Variants in NEGR1 observed in about 807,000 individuals in gnomAD.
NEGR1 encodes the protein neuronal growth regulator 1, also known as IgLON family member 4.
NEGR1 carries 10 observed loss-of-function variants against 40.9 expected under a neutral mutation model. That is an observed-to-expected ratio of 0.24 (90% CI 0.15 to 0.42). The LOEUF is 0.42. NEGR1 is among the 10% of genes least tolerant of loss of function. The pLI, the probability that NEGR1 is intolerant of heterozygous loss-of-function variation, is 1.00. For synonymous variants in NEGR1, 185 were observed against 166.8 expected (o/e 1.11, Z -0.84); for missense variants, 352 against 438.9 (o/e 0.80, Z 1.77).
intron 6 of NEGR1, among the ~76,000 whole-genome samples, chr1:71,445,489 A>G (rs913844708): frequency 2.0e-5 from 3 of 152,218 alleles, no homozygotes; most frequent in African/African-American, 7.2e-5. Context: ...AAATAGGCTG[A>G]GGAACTATAA....
At chr1:71,955,740 A>G (rs1646114085) in intron 1 of NEGR1, among the ~76,000 whole-genome samples, 1 of 152,158 alleles carries the variant, frequency 6.6e-6, no homozygotes, top group Admixed American at 6.6e-5. Flanking sequence ...TCCAAACCTC[A>G]GTTATAATTC....
chr1:71,628,370 C>T (rs940155975), intron 4 of NEGR1, among the ~76,000 whole-genome samples: 1 of 151,912 alleles, frequency 6.6e-6, no homozygotes, highest in Non-Finnish European at 1.5e-5. Context: ...TGCATTATGT[C>T]CATAAAATAT....
chr1:72,199,150 CAGAGAGAGAG>C (rs34602311), intron 1 of NEGR1, among the ~76,000 whole-genome samples: 7 of 115,164 alleles, frequency 6.1e-5, no homozygotes, highest in African/African-American at 1.3e-4. Flanking sequence ...GATAGACAGA[CAGAGAGAGAG>C]AGAGAGAGAG....
intron 4 of NEGR1, 42 bp downstream of exon 4, chr1:71,697,966 C>A: frequency 6.4e-7 from 1 of 1,571,484 alleles, no homozygotes; most frequent in Non-Finnish European, 8.6e-7. Flanking sequence ...GGTGTTTTAT[C>A]TTTTCTCAGA....
chr1:71,999,670 TATATATATACATAC>T, intron 1 of NEGR1, among the ~76,000 whole-genome samples: 6 of 51,120 alleles, frequency 1.2e-4, no homozygotes, highest in African/African-American at 3.5e-4. Flanking sequence ...TATATATATA[TATATATATACATAC>T]ATATTTTTGT....
At chr1:71,787,338 G>T (rs1239476352) in intron 2 of NEGR1, among the ~76,000 whole-genome samples, 1 of 152,146 alleles carries the variant, frequency 6.6e-6, no homozygotes, top group Admixed American at 6.5e-5. Context: ...AACTTCCCAT[G>T]ATGGCCAAGG....
At chr1:72,090,847 G>A (rs911564213) in intron 1 of NEGR1, among the ~76,000 whole-genome samples, 2 of 152,012 alleles carry the variant, frequency 1.3e-5, no homozygotes, top group Non-Finnish European at 2.9e-5. Context: ...TTTCACATCT[G>A]GAAAAACAAG....
At chr1:71,876,122 T>A (rs897665055) in intron 2 of NEGR1, among the ~76,000 whole-genome samples, 2 of 152,160 alleles carry the variant, frequency 1.3e-5, no homozygotes, top group Non-Finnish European at 2.9e-5. Flanking sequence ...GGGAGGGCAG[T>A]CTTAAATTTT....
chr1:72,138,691 T>G (rs1650560476), intron 1 of NEGR1, among the ~76,000 whole-genome samples: 1 of 151,984 alleles, frequency 6.6e-6, no homozygotes. Flanking sequence ...TTAAACTGTT[T>G]CACTTAGGAA....
chr1:71,669,214 A>C (rs182265494), intron 4 of NEGR1, among the ~76,000 whole-genome samples: 2 of 152,148 alleles, frequency 1.3e-5, no homozygotes, highest in Non-Finnish European at 2.9e-5. Context: ...TTATTGGTTC[A>C]TGTTTCATGA....
intron 2 of NEGR1, among the ~76,000 whole-genome samples, chr1:71,802,286 G>A (rs1011732900): frequency 6.6e-5 from 10 of 152,158 alleles, no homozygotes; most frequent in Middle Eastern, 3.2e-3. Flanking sequence ...GAGAAAGTAT[G>A]TTCTGGAAGG....
chr1:71,951,522 TC>T (rs1173522714), intron 1 of NEGR1, among the ~76,000 whole-genome samples: 1 of 151,952 alleles, frequency 6.6e-6, no homozygotes, highest in African/African-American at 2.4e-5. Flanking sequence ...CTGAGTCAAC[TC>T]CCCTTTCAAT....
At chr1:72,134,018 A>G (rs1251761525) in intron 1 of NEGR1, among the ~76,000 whole-genome samples, 1 of 151,958 alleles carries the variant, frequency 6.6e-6, no homozygotes, top group East Asian at 1.9e-4. Context: ...AAAAAAATTA[A>G]GATGGTATTT....
At chr1:72,254,148 AC>A (rs1655188395) in intron 1 of NEGR1, among the ~76,000 whole-genome samples, 2 of 152,264 alleles carry the variant, frequency 1.3e-5, no homozygotes, top group Non-Finnish European at 2.9e-5. Flanking sequence ...CACATGTACT[AC>A]TTGTCTGAAG....
intron 1 of NEGR1, among the ~76,000 whole-genome samples, chr1:71,975,850 T>A (rs190542673): frequency 2.0e-5 from 3 of 152,318 alleles, no homozygotes; most frequent in Admixed American, 6.5e-5. Flanking sequence ...ATTATTAGAT[T>A]CATTTTTACC....
At chr1:71,969,266 C>T (rs1006517855) in intron 1 of NEGR1, among the ~76,000 whole-genome samples, 3 of 152,154 alleles carry the variant, frequency 2.0e-5, no homozygotes, top group Non-Finnish European at 4.4e-5. Context: ...CTGCCAGCCT[C>T]GGCCTCCCAA....
intron 1 of NEGR1, among the ~76,000 whole-genome samples, chr1:72,053,532 A>T (rs568508558): frequency 1.5e-4 from 23 of 151,106 alleles, no homozygotes; most frequent in African/African-American, 5.3e-4. Flanking sequence ...ATGACCTTTT[A>T]TTTTTTTCAC....
intron 2 of NEGR1, among the ~76,000 whole-genome samples, chr1:71,880,699 C>T (rs1355091005): frequency 2.6e-5 from 4 of 152,002 alleles, no homozygotes; most frequent in African/African-American, 4.8e-5. Flanking sequence ...CTACTGCCTT[C>T]AATTCTGACT....
chr1:71,442,200 A>G (rs1361425867), intron 6 of NEGR1, among the ~76,000 whole-genome samples: 1 of 147,908 alleles, frequency 6.8e-6, no homozygotes, highest in East Asian at 2.0e-4. Flanking sequence ...TGAAACATTT[A>G]AAAACACAAT....
Sources: gnomAD v4.1 joint callset for allele counts (sites outside exome capture counted in the v4.1 genomes callset) on GRCh38, gnomAD v4.1.1 for gene constraint, MANE v1.5 for transcripts, NCBI Gene and HGNC (gene_info 2026-07-23, HGNC 2026-07-21) for gene names.